The following RALYL variants were observed in gnomAD, a reference collection of about 807,000 sequenced individuals.
The protein encoded by RALYL is RALY RNA binding protein like, also known as RNA-binding Raly-like protein.
A neutral mutation model predicts 35.1 loss-of-function variants in RALYL; 29 were observed. That is an observed-to-expected ratio of 0.83 (90% CI 0.61 to 1.13). The LOEUF is 1.13. Ranked by LOEUF, RALYL falls within the 50% of genes most tolerant of loss-of-function variation. The probability of loss-of-function intolerance (pLI) is 0.00; values close to 1 mark genes in which losing one functional copy is unlikely to be tolerated. For missense variants in RALYL, 359 were observed against 360.4 expected (o/e 1.00, Z 0.03); for synonymous variants, 120 against 127.6 (o/e 0.94, Z 0.40).
At chr8:84,362,214 G>C (rs1230869405) in intron 1 of RALYL, among the ~76,000 whole-genome samples, 1 of 152,108 alleles carries the variant, frequency 6.6e-6, no homozygotes, top group Non-Finnish European at 1.5e-5. Context: ...TAGTTCATTA[G>C]TTCTTAAATT....
intron 1 of RALYL, among the ~76,000 whole-genome samples, chr8:84,445,499 T>A (rs28521362): frequency 0.04 from 6,008 of 152,022 alleles, 235 homozygotes; most frequent in African/African-American, 0.098. Context: ...GTATTAAAAC[T>A]GTAGTACGTG....
chr8:84,842,664 G>A (rs571231031), intron 4 of RALYL, among the ~76,000 whole-genome samples: 7 of 152,112 alleles, frequency 4.6e-5, no homozygotes, highest in South Asian at 2.1e-4. Context: ...AGACACAACA[G>A]AAAAAGAGAA....
intron 2 of RALYL, among the ~76,000 whole-genome samples, chr8:84,608,402 C>T (rs984722742): frequency 6.6e-6 from 1 of 152,118 alleles, no homozygotes; most frequent in African/African-American, 2.4e-5. Context: ...CTCTTACCCT[C>T]TTGCTCCATT....
At chr8:84,703,374 T>C (rs926947496) in intron 2 of RALYL, among the ~76,000 whole-genome samples, 1 of 152,104 alleles carries the variant, frequency 6.6e-6, no homozygotes, top group Non-Finnish European at 1.5e-5. Flanking sequence ...ATATAAGGTC[T>C]GGAGGAGAAA....
intron 2 of RALYL, among the ~76,000 whole-genome samples, chr8:84,693,434 A>G (rs1376477868): frequency 6.6e-6 from 1 of 152,002 alleles, no homozygotes; most frequent in Non-Finnish European, 1.5e-5. Flanking sequence ...CACTATCACA[A>G]GAATAGCATG....
At chr8:84,514,177 G>A (rs1024939965) in intron 1 of RALYL, among the ~76,000 whole-genome samples, 1 of 148,832 alleles carries the variant, frequency 6.7e-6, no homozygotes. Context: ...GTGACACCTA[G>A]ATCTTCTGAC....
At chr8:84,774,686 A>G in intron 3 of RALYL, 32 bp downstream of exon 3, 1 of 1,437,370 alleles carries the variant, frequency 7.0e-7, no homozygotes. Flanking sequence ...TACTCTATAT[A>G]TTAGTGAAAT....
intron 1 of RALYL, among the ~76,000 whole-genome samples, chr8:84,301,582 G>T (rs12171666): frequency 0.11 from 16,926 of 151,966 alleles, 1,613 homozygotes; most frequent in African/African-American, 0.26. Context: ...AATAATCAAT[G>T]GGAGAATTAT....
intron 8 of RALYL, among the ~76,000 whole-genome samples, chr8:84,890,984 T>C (rs1456938354): frequency 6.6e-6 from 1 of 151,834 alleles, no homozygotes; most frequent in Non-Finnish European, 1.5e-5. Flanking sequence ...ACATATACCA[T>C]TAAGGACTAG....
intron 2 of RALYL, among the ~76,000 whole-genome samples, chr8:84,588,850 G>T (rs1588368473): frequency 6.6e-6 from 1 of 152,038 alleles, no homozygotes; most frequent in East Asian, 1.9e-4. Flanking sequence ...ATAAAGAAGA[G>T]AGGTGTTTTT....
At chr8:84,382,063 A>C (rs1231983701) in intron 1 of RALYL, among the ~76,000 whole-genome samples, 6 of 151,532 alleles carry the variant, frequency 4.0e-5, no homozygotes, top group African/African-American at 1.2e-4. Context: ...ATATCATAAA[A>C]ATTTATTTGG....
chr8:84,357,175 T>C (rs1415457171), intron 1 of RALYL, among the ~76,000 whole-genome samples: 1 of 152,052 alleles, frequency 6.6e-6, no homozygotes, highest in Non-Finnish European at 1.5e-5. Context: ...CTTCACATTG[T>C]AGGATGACAC....
chr8:84,500,917 A>G (rs1441318472), intron 1 of RALYL, among the ~76,000 whole-genome samples: 10 of 152,184 alleles, frequency 6.6e-5, no homozygotes, highest in Non-Finnish European at 1.5e-5. Flanking sequence ...ACAACCTCAC[A>G]CACATATATT....
intron 2 of RALYL, among the ~76,000 whole-genome samples, chr8:84,614,925 C>T (rs1360209386): frequency 2.6e-5 from 4 of 151,536 alleles, no homozygotes; most frequent in South Asian, 2.1e-4. Flanking sequence ...TGGCATTTTA[C>T]GACCTCAATA....
At chr8:84,583,197 C>T (rs762866629) in intron 2 of RALYL, among the ~76,000 whole-genome samples, 2 of 152,124 alleles carry the variant, frequency 1.3e-5, no homozygotes, top group Non-Finnish European at 2.9e-5. Flanking sequence ...CTTCAGTGAA[C>T]ATATGAACTT....
At chr8:84,259,244 A>G (rs1481185638) in intron 1 of RALYL, among the ~76,000 whole-genome samples, 1 of 152,176 alleles carries the variant, frequency 6.6e-6, no homozygotes, top group East Asian at 1.9e-4. Flanking sequence ...CGCCTTTACA[A>G]TGTAGGTCAA....
intron 1 of RALYL, among the ~76,000 whole-genome samples, chr8:84,492,860 A>T (rs559776934): frequency 1.4e-5 from 2 of 147,638 alleles, no homozygotes; most frequent in East Asian, 1.9e-4. Flanking sequence ...ATTATTTTAC[A>T]TTTTGCACAC....
chr8:84,553,058 G>A (rs116623005), intron 2 of RALYL, among the ~76,000 whole-genome samples: 2,812 of 152,186 alleles, frequency 0.018, 91 homozygotes, highest in African/African-American at 0.064. Flanking sequence ...CTTAAATATT[G>A]TAAGTTTACA....
At chr8:84,257,421 G>T (rs1001620832) in intron 1 of RALYL, among the ~76,000 whole-genome samples, 6 of 152,012 alleles carry the variant, frequency 3.9e-5, no homozygotes, top group Non-Finnish European at 8.8e-5. Context: ...GCTATGCCTG[G>T]AGTTGAAGGG....
Sources: allele counts gnomAD v4.1 joint callset (sites outside exome capture counted in the v4.1 genomes callset), GRCh38; gene constraint gnomAD v4.1.1; transcripts MANE v1.5; gene names NCBI Gene and HGNC (gene_info 2026-07-23, HGNC 2026-07-21).